The following MRLN variants were observed in gnomAD, a reference collection of about 807,000 sequenced individuals.
MRLN encodes the protein myoregulin, also known as Linc-RNA activator of myogenesis.
chr10:59,740,426 A>C (rs1840969931), intron 1 of MRLN, among the ~76,000 whole-genome samples: 2 of 152,216 alleles, frequency 1.3e-5, no homozygotes. Context: ...AGAAGGCATC[A>C]TTATCACAGG....
At chr10:59,744,798 T>A (rs1335103440) in intron 1 of MRLN, 1 of 169,922 alleles carries the variant, frequency 5.9e-6, no homozygotes, top group Non-Finnish European at 1.2e-5. Flanking sequence ...GCTGTTAATC[T>A]ATAACCTTAC....
intron 1 of MRLN, chr10:59,744,987 C>T (rs1272052246): frequency 1.7e-5 from 3 of 176,970 alleles, no homozygotes; most frequent in Admixed American, 6.4e-5. Context: ...GCAGCAGGGC[C>T]CTCTGCCTAG....
chr10:59,744,529 G>T (rs1029179812), intron 1 of MRLN, among the ~76,000 whole-genome samples: 5 of 148,556 alleles, frequency 3.4e-5, no homozygotes, highest in South Asian at 2.1e-4. Flanking sequence ...TCTGGGAGGT[G>T]GGGGAGCGCG....
At chr10:59,751,514 C>CA (rs1373550556) in intron 1 of MRLN, among the ~76,000 whole-genome samples, 3 of 150,186 alleles carry the variant, frequency 2.0e-5, no homozygotes, top group African/African-American at 7.5e-5. Context: ...AAAATAATAA[C>CA]AAAAAATTAG....
At chr10:59,748,880 A>G (rs1841069405) in intron 1 of MRLN, among the ~76,000 whole-genome samples, 1 of 152,200 alleles carries the variant, frequency 6.6e-6, no homozygotes, top group African/African-American at 2.4e-5. Flanking sequence ...ATCAAAGCAA[A>G]TCACAAGTGA....
intron 2 of MRLN, 125 bp downstream of exon 2, chr10:59,738,334 T>C (rs1840945118): frequency 6.6e-6 from 1 of 152,190 alleles, no homozygotes; most frequent in Non-Finnish European, 1.5e-5. Context: ...GTTTCTTCAG[T>C]CTGTGGCTCC....
intron 1 of MRLN, among the ~76,000 whole-genome samples, chr10:59,749,930 G>A (rs992004843): frequency 5.3e-5 from 8 of 151,848 alleles, no homozygotes; most frequent in South Asian, 2.1e-4. Context: ...GTGTTGGCTC[G>A]CCTGGCAGCA....
At chr10:59,740,495 G>A (rs143719044) in intron 1 of MRLN, among the ~76,000 whole-genome samples, 1,925 of 152,192 alleles carry the variant, frequency 0.013, 62 homozygotes, top group African/African-American at 0.044. Flanking sequence ...ACAAGATGCC[G>A]ACGTGGACGA....
At chr10:59,740,808 T>TTTCTTTC (rs1840975951) in intron 1 of MRLN, among the ~76,000 whole-genome samples, 3 of 139,418 alleles carry the variant, frequency 2.2e-5, no homozygotes, top group African/African-American at 8.5e-5. Context: ...TTCTTTCTTT[T>TTTCTTTC]TTTTTTGAGA....
chr10:59,743,655 C>A (rs1438086241), intron 1 of MRLN, among the ~76,000 whole-genome samples: 2 of 152,034 alleles, frequency 1.3e-5, no homozygotes, highest in Non-Finnish European at 2.9e-5. Context: ...GAAAATGAAT[C>A]ATGGGTCGTT....
intron 1 of MRLN, chr10:59,744,333 G>A (rs1564726251): frequency 6.4e-6 from 1 of 155,406 alleles, no homozygotes; most frequent in Admixed American, 6.5e-5. Flanking sequence ...TGGGAACTGA[G>A]GAGTGTCTCT....
rs149120009 is a variant in MRLN at position 59,743,950 on chromosome 10, C to G, written c.-124-5388G>C. 9.2e-5 allele frequency among the ~76,000 whole-genome samples: 14 copies of G among 152,368 alleles called. No individual in the cohort carries two copies. The East Asian group carries it at 2.7e-3, about 29-fold the overall frequency. On this transcript the variant is annotated intron_variant, in intron 1 of 2. Transcript: ENST00000414264. ...CAGGTGCCGGGATTGTAGACGGAGTCTGGCTCACTCAGTGCTCAATGTTGC... is the reference window on the plus strand; with the variant it reads ...CAGGTGCCGGGATTGTAGACGGAGTGTGGCTCACTCAGTGCTCAATGTTGC...
chr10:59,738,656 G>A (rs1318750469), intron 1 of MRLN, 94 bp from the exon 2 acceptor site: 1 of 152,096 alleles, frequency 6.6e-6, no homozygotes, highest in African/African-American at 2.4e-5. Flanking sequence ...TTCTAAAATT[G>A]TTTTCAAAAC....
chr10:59,750,303 T>G (rs931675922), intron 1 of MRLN, among the ~76,000 whole-genome samples: 13 of 152,072 alleles, frequency 8.5e-5, no homozygotes, highest in Non-Finnish European at 1.8e-4. Flanking sequence ...ACTCCTGACC[T>G]CAGGTGATCC....
At chr10:59,748,417 G>A (rs1174477808) in intron 1 of MRLN, among the ~76,000 whole-genome samples, 1 of 152,170 alleles carries the variant, frequency 6.6e-6, no homozygotes, top group Non-Finnish European at 1.5e-5. Flanking sequence ...ACAAATCTGA[G>A]AAATTAACTT....
At chr10:59,750,680 T>C (rs1024930139) in intron 1 of MRLN, among the ~76,000 whole-genome samples, 1 of 152,242 alleles carries the variant, frequency 6.6e-6, no homozygotes, top group Non-Finnish European at 1.5e-5. Flanking sequence ...ACCTTCTCCC[T>C]GCCAAGTCTT....
At chr10:59,743,889 C>G (rs895985006) in intron 1 of MRLN, among the ~76,000 whole-genome samples, 1 of 152,210 alleles carries the variant, frequency 6.6e-6, no homozygotes, top group South Asian at 2.1e-4. Context: ...TGGTCTCCAG[C>G]TCCTGACCAT....
intron 1 of MRLN, among the ~76,000 whole-genome samples, chr10:59,748,164 C>T (rs1056308851): frequency 6.6e-5 from 10 of 150,874 alleles, no homozygotes; most frequent in Non-Finnish European, 2.9e-5. Context: ...TGGCACAGGA[C>T]GTGCAGGGTT....
Position 59,738,793 on chromosome 10 carries a change from T to G in MRLN, c.-124-231A>C, listed in dbSNP as rs1589015179. 3 of 152,340 alleles carry G rather than the reference T, an allele frequency of 2.0e-5. No individual in the cohort carries two copies. The East Asian group carries it at 5.8e-4, about 29-fold the overall frequency. The allele number at this position is 152,340 out of a possible 1,614,324, so 9.4% of individuals were successfully genotyped here. ...AAGATTAAGCTAAATTCTAGGATTT[T>G]CCTGGTGGGGCAAACATTCACCACA... On this transcript the variant is annotated intron_variant, in intron 1 of 2. Coordinates refer to ENST00000414264, the MANE Select transcript of MRLN (RefSeq NM_001304731.2).
Sources: allele counts gnomAD v4.1 joint callset (sites outside exome capture counted in the v4.1 genomes callset), GRCh38; gene constraint gnomAD v4.1.1; transcripts MANE v1.5; gene names NCBI Gene and HGNC (gene_info 2026-07-23, HGNC 2026-07-21).